Variants in CCDC85A observed in about 807,000 individuals in gnomAD.
The protein encoded by CCDC85A is coiled-coil domain containing 85A, also known as coiled-coil domain-containing protein 85A.
A neutral mutation model predicts 50.2 loss-of-function variants in CCDC85A; 38 were observed. That is an observed-to-expected ratio of 0.76 (90% CI 0.58 to 0.99). CCDC85A has a LOEUF of 0.99. CCDC85A is among the 50% of genes least tolerant of loss of function. The pLI is 0.00. For synonymous variants in CCDC85A, 366 were observed against 301.4 expected (o/e 1.21, Z -2.22); for missense variants, 820 against 742.0 (o/e 1.11, Z -1.22).
intron 2 of CCDC85A, among the ~76,000 whole-genome samples, chr2:56,243,357 A>T (rs1489931588): frequency 2.0e-5 from 3 of 151,758 alleles, no homozygotes; most frequent in African/African-American, 7.3e-5. Flanking sequence ...GTGTGTTTTC[A>T]AATAGCCTGT....
chr2:56,295,083 C>G (rs1671886300), intron 2 of CCDC85A, among the ~76,000 whole-genome samples: 1 of 152,032 alleles, frequency 6.6e-6, no homozygotes, highest in Non-Finnish European at 1.5e-5. Context: ...ATTTTAGTTG[C>G]TATGTATTTC....
chr2:56,325,519 A>T (rs1182824177), intron 2 of CCDC85A, among the ~76,000 whole-genome samples: 1 of 152,098 alleles, frequency 6.6e-6, no homozygotes, highest in Non-Finnish European at 1.5e-5. Flanking sequence ...ATCTTTTGTT[A>T]TCCACCAAAA....
chr2:56,200,375 C>T (rs117058683), intron 2 of CCDC85A, among the ~76,000 whole-genome samples: 152 of 152,248 alleles, frequency 1.0e-3, no homozygotes, highest in East Asian at 2.3e-3. Context: ...TATTAAGAAT[C>T]GTTCCATGTT....
intron 3 of CCDC85A, among the ~76,000 whole-genome samples, chr2:56,372,026 A>T (rs1558663985): frequency 6.6e-6 from 1 of 152,178 alleles, no homozygotes; most frequent in South Asian, 2.1e-4. Flanking sequence ...TTATTATTTT[A>T]TGCTGGTAAA....
At chr2:56,323,476 C>T (rs917259448) in intron 2 of CCDC85A, among the ~76,000 whole-genome samples, 1 of 151,776 alleles carries the variant, frequency 6.6e-6, no homozygotes, top group African/African-American at 2.4e-5. Context: ...TATTTAGGTT[C>T]GAGTGAACAG....
chr2:56,185,426 G>A (rs1004576959), intron 1 of CCDC85A, among the ~76,000 whole-genome samples: 2 of 152,136 alleles, frequency 1.3e-5, no homozygotes, highest in Non-Finnish European at 2.9e-5. Context: ...GCAGTCTTGT[G>A]TCACCGGGTA....
At chr2:56,272,779 C>G (rs554659042) in intron 2 of CCDC85A, among the ~76,000 whole-genome samples, 7 of 152,302 alleles carry the variant, frequency 4.6e-5, no homozygotes, top group Admixed American at 2.0e-4. Flanking sequence ...TTCTGACTGA[C>G]TGCTTTTCAG....
At chr2:56,353,035 T>C (rs1308059725) in intron 3 of CCDC85A, among the ~76,000 whole-genome samples, 2 of 152,216 alleles carry the variant, frequency 1.3e-5, no homozygotes, top group Admixed American at 1.3e-4. Flanking sequence ...GATACTCAGA[T>C]TCCTTAAAAC....
At chr2:56,356,027 G>A (rs1675207606) in intron 3 of CCDC85A, among the ~76,000 whole-genome samples, 1 of 152,152 alleles carries the variant, frequency 6.6e-6, no homozygotes, top group Admixed American at 6.5e-5. Context: ...TAATGTCAAA[G>A]GGGGATAATT....
At chr2:56,213,706 C>A (rs1257544215) in intron 2 of CCDC85A, among the ~76,000 whole-genome samples, 2 of 151,798 alleles carry the variant, frequency 1.3e-5, no homozygotes, top group African/African-American at 2.4e-5. Flanking sequence ...GACTAATGAA[C>A]TTTTAATGAC....
At chr2:56,285,079 T>C (rs1671370970) in intron 2 of CCDC85A, among the ~76,000 whole-genome samples, 5 of 151,968 alleles carry the variant, frequency 3.3e-5, no homozygotes. Context: ...GAATAGAGTT[T>C]TGACTTACCT....
intron 2 of CCDC85A, among the ~76,000 whole-genome samples, chr2:56,264,574 A>G (rs1573128301): frequency 6.6e-6 from 1 of 152,310 alleles, no homozygotes; most frequent in South Asian, 2.1e-4. Flanking sequence ...TGTCTCCTGC[A>G]TTATTACAGT....
intron 2 of CCDC85A, among the ~76,000 whole-genome samples, chr2:56,233,102 C>G (rs1019804245): frequency 1.3e-5 from 2 of 152,182 alleles, no homozygotes; most frequent in African/African-American, 4.8e-5. Context: ...CTCTGCAGGA[C>G]TGTCTCTTAT....
intron 2 of CCDC85A, among the ~76,000 whole-genome samples, chr2:56,303,095 C>T (rs74780924): frequency 0.027 from 4,037 of 152,238 alleles, 180 homozygotes; most frequent in African/African-American, 0.091. Context: ...CTGATTTCTC[C>T]GACCTCATCC....
intron 2 of CCDC85A, among the ~76,000 whole-genome samples, chr2:56,238,516 C>CT (rs1669121444): frequency 6.6e-6 from 1 of 151,582 alleles, no homozygotes; most frequent in Non-Finnish European, 1.5e-5. Context: ...TTATCTATGA[C>CT]TTATTCCTGT....
intron 3 of CCDC85A, among the ~76,000 whole-genome samples, chr2:56,344,705 A>T (rs1674546388): frequency 6.6e-6 from 1 of 152,142 alleles, no homozygotes; most frequent in Admixed American, 6.5e-5. Flanking sequence ...TCACAGTATG[A>T]CTGTCCTAAG....
chr2:56,266,223 T>G (rs1304879041), intron 2 of CCDC85A, among the ~76,000 whole-genome samples: 1 of 152,314 alleles, frequency 6.6e-6, no homozygotes, highest in East Asian at 1.9e-4. Context: ...GTTATAGTGC[T>G]CTATTATATA....
intron 2 of CCDC85A, among the ~76,000 whole-genome samples, chr2:56,225,634 A>G (rs536224904): frequency 6.6e-6 from 1 of 152,136 alleles, no homozygotes; most frequent in Non-Finnish European, 1.5e-5. Flanking sequence ...TTGAATTTCC[A>G]TATGTCTTTT....
intron 3 of CCDC85A, among the ~76,000 whole-genome samples, chr2:56,349,258 A>G (rs1674781652): frequency 6.6e-6 from 1 of 152,198 alleles, no homozygotes; most frequent in Non-Finnish European, 1.5e-5. Context: ...TAGTGCTTAT[A>G]TGGAACAACG....
Sources: allele counts gnomAD v4.1 joint callset (sites outside exome capture counted in the v4.1 genomes callset), GRCh38; gene constraint gnomAD v4.1.1; transcripts MANE v1.5; gene names NCBI Gene and HGNC (gene_info 2026-07-23, HGNC 2026-07-21).